CLVS1: variants seen among roughly 807,000 people sequenced by gnomAD.
CLVS1 encodes the protein clavesin 1.
In CLVS1, 10 loss-of-function variants were observed where a neutral mutation model predicts 33.1. That is an observed-to-expected ratio of 0.30 (90% CI 0.19 to 0.51). The LOEUF is 0.51. CLVS1 is among the 20% of genes least tolerant of loss of function. CLVS1 has a pLI of 0.97. For missense variants in CLVS1, 343 were observed against 433.4 expected, an observed-to-expected ratio of 0.79 and a Z score of 1.85; for synonymous variants, 163 against 166.1, an observed-to-expected ratio of 0.98 and a Z score of 0.14.
chr8:60,965,175 C>G, the CLVS1 span: 74 of 152,308 alleles, frequency 4.9e-4, no homozygotes, highest in African/African-American at 1.8e-3. Context: ...TTCTATTGTG[C>G]GTGCCAAGTG....
intron 3 of CLVS1, among the ~76,000 whole-genome samples, chr8:61,382,621 T>G (rs1453906052): frequency 6.6e-6 from 1 of 152,210 alleles, no homozygotes; most frequent in Admixed American, 6.6e-5. Context: ...TAGAACGTGA[T>G]GGATATCAAC....
chr8:61,409,110 G>C (rs956022385), intron 3 of CLVS1, among the ~76,000 whole-genome samples: 10 of 152,110 alleles, frequency 6.6e-5, no homozygotes, highest in Non-Finnish European at 1.2e-4. Context: ...GGACAATTTG[G>C]TGAGACTATT....
chr8:61,385,713 A>T (rs1814055840), intron 3 of CLVS1, among the ~76,000 whole-genome samples: 2 of 152,206 alleles, frequency 1.3e-5, no homozygotes, highest in African/African-American at 4.8e-5. Flanking sequence ...CTTTATTTTC[A>T]GTCAGGATTT....
chr8:61,397,506 G>A (rs1252880805), intron 3 of CLVS1, among the ~76,000 whole-genome samples: 3 of 151,992 alleles, frequency 2.0e-5, no homozygotes, highest in Non-Finnish European at 4.4e-5. Flanking sequence ...ATCTCTTAAG[G>A]CATAAAGGTT....
At chr8:61,266,999 G>T (rs928104458) in intron 2 of CLVS1, among the ~76,000 whole-genome samples, 2 of 152,232 alleles carry the variant, frequency 1.3e-5, no homozygotes, top group Admixed American at 1.3e-4. Flanking sequence ...TGAACTGGCT[G>T]CAGGATGCAG....
At chr8:61,269,118 C>T (rs917803302) in intron 2 of CLVS1, among the ~76,000 whole-genome samples, 1 of 147,732 alleles carries the variant, frequency 6.8e-6, no homozygotes, top group African/African-American at 2.5e-5. Flanking sequence ...ATGGTAATGC[C>T]TAGGTTTTCT....
chr8:61,323,571 C>G (rs927227937), intron 2 of CLVS1, among the ~76,000 whole-genome samples: 1 of 152,144 alleles, frequency 6.6e-6, no homozygotes, highest in African/African-American at 2.4e-5. Flanking sequence ...TTTTCGGTGT[C>G]AAGCTCAAAG....
At chr8:61,485,292 A>G (rs1803834539) in intron 5 of CLVS1, among the ~76,000 whole-genome samples, 1 of 152,240 alleles carries the variant, frequency 6.6e-6, no homozygotes, top group South Asian at 2.1e-4. Flanking sequence ...AAGGATATGA[A>G]CAGACACTTC....
intron 5 of CLVS1, among the ~76,000 whole-genome samples, chr8:61,490,728 G>A (rs1348933546): frequency 6.6e-6 from 1 of 151,414 alleles, no homozygotes; most frequent in Non-Finnish European, 1.5e-5. Context: ...GGAGGCTGAG[G>A]TGGGTGGATC....
intron 5 of CLVS1, among the ~76,000 whole-genome samples, chr8:61,479,046 A>C (rs889772197): frequency 2.0e-5 from 3 of 152,072 alleles, no homozygotes; most frequent in Non-Finnish European, 4.4e-5. Flanking sequence ...GGTGAATCTG[A>C]CAATTATGTG....
intron 5 of CLVS1, among the ~76,000 whole-genome samples, chr8:61,493,531 C>T (rs1011119147): frequency 5.9e-5 from 9 of 152,070 alleles, no homozygotes; most frequent in East Asian, 1.9e-4. Context: ...ATGAGGAGGC[C>T]GAATTCACCC....
intron 2 of CLVS1, among the ~76,000 whole-genome samples, chr8:61,316,101 G>A (rs921520802): frequency 2.6e-5 from 4 of 152,102 alleles, no homozygotes; most frequent in Non-Finnish European, 5.9e-5. Context: ...GTGTATATGT[G>A]TCACGTTTTC....
At chr8:61,256,750 G>T (rs1009968077) in intron 2 of CLVS1, among the ~76,000 whole-genome samples, 3 of 152,276 alleles carry the variant, frequency 2.0e-5, no homozygotes, top group Middle Eastern at 3.4e-3. Context: ...ATTAATTGTG[G>T]TTTTTATGCA....
intron 1 of CLVS1, among the ~76,000 whole-genome samples, chr8:61,092,281 T>G (rs1374112737): frequency 1.3e-5 from 2 of 152,120 alleles, no homozygotes; most frequent in Admixed American, 1.3e-4. Flanking sequence ...GGCATGTAGG[T>G]TATACATGTG....
At chr8:61,047,015 T>A in the CLVS1 span, among the ~76,000 whole-genome samples, 253 of 152,274 alleles carry the variant, frequency 1.7e-3, no homozygotes, top group Non-Finnish European at 3.0e-3. Context: ...GGCCAGAACT[T>A]CCAACACTAT....
chr8:60,984,314 CTTTT>C, the CLVS1 span, among the ~76,000 whole-genome samples: 2 of 143,556 alleles, frequency 1.4e-5, no homozygotes, highest in East Asian at 4.0e-4. Context: ...TTTTCCTCTT[CTTTT>C]TTTTTTTTCT....
chr8:60,980,188 GCAAA>G, the CLVS1 span, among the ~76,000 whole-genome samples: 1 of 152,180 alleles, frequency 6.6e-6, no homozygotes, highest in Admixed American at 6.5e-5. Context: ...TCATCTAGAG[GCAAA>G]CAAACAGTCC....
At chr8:61,277,889 A>T (rs1014603771) in intron 2 of CLVS1, among the ~76,000 whole-genome samples, 4 of 152,200 alleles carry the variant, frequency 2.6e-5, no homozygotes, top group Admixed American at 6.5e-5. Flanking sequence ...AGACAAAAAA[A>T]AAGGACTTTG....
chr8:61,325,359 A>G (rs1811346828), intron 2 of CLVS1, among the ~76,000 whole-genome samples: 1 of 152,168 alleles, frequency 6.6e-6, no homozygotes, highest in African/African-American at 2.4e-5. Flanking sequence ...TTTTACCTCA[A>G]TAAGAGAAAT....
Sources: allele counts gnomAD v4.1 joint callset (sites outside exome capture counted in the v4.1 genomes callset), GRCh38; gene constraint gnomAD v4.1.1; transcripts MANE v1.5; gene names NCBI Gene and HGNC (gene_info 2026-07-23, HGNC 2026-07-21).